DPP6: variants seen among roughly 807,000 people sequenced by gnomAD.
The protein encoded by DPP6 is A-type potassium channel modulatory protein DPP6.
A neutral mutation model predicts 122.6 loss-of-function variants in DPP6; 69 were observed. The observed-to-expected ratio is 0.56, with a 90% CI of 0.46 to 0.69. The LOEUF is 0.69. Ranked by LOEUF, DPP6 falls within the 30% of genes least tolerant of loss-of-function variation. The pLI is 0.00. For synonymous variants in DPP6, 418 were observed against 433.1 expected, an observed-to-expected ratio of 0.97 and a Z score of 0.43; for missense variants, 928 against 1,116.9, an observed-to-expected ratio of 0.83 and a Z score of 2.41.
intron 4 of DPP6, among the ~76,000 whole-genome samples, chr7:154,557,231 G>C (rs949090404): frequency 6.6e-6 from 1 of 151,054 alleles, no homozygotes; most frequent in African/African-American, 2.4e-5. Context: ...ATGGAGACTG[G>C]GGTGGTCAGA....
At position 154,042,576 on chromosome 7, in the gene DPP6, A is replaced by T. The variant is rs372128682; in HGVS notation, c.51+154842A>T. Among the ~76,000 whole-genome samples the T allele has an allele frequency of 2.6e-5, 4 of 152,326 alleles. No homozygotes were observed. The East Asian group carries it at 5.8e-4, about 22-fold the overall frequency. ...GATAGCACTGTAGAACTCTTCCGTC[A>T]TGCCAAGAGAAGTTAGATATGACCA... On this transcript the variant is annotated intron_variant, in intron 1 of 25. Transcript: ENST00000404039.
chr7:153,784,534 A>T, the DPP6 span, among the ~76,000 whole-genome samples: 1 of 152,350 alleles, frequency 6.6e-6, no homozygotes, highest in South Asian at 2.1e-4. Context: ...TAAGTTTTGG[A>T]TGACATAGTG....
chr7:154,060,301 C>G (rs1488912128), intron 1 of DPP6, among the ~76,000 whole-genome samples: 1 of 133,344 alleles, frequency 7.5e-6, no homozygotes, highest in African/African-American at 2.8e-5. Context: ...CCTCTTCCCC[C>G]CCTGGCTCTT....
At chr7:154,599,272 A>G (rs1408435460) in intron 5 of DPP6, among the ~76,000 whole-genome samples, 1 of 152,180 alleles carries the variant, frequency 6.6e-6, no homozygotes, top group Middle Eastern at 3.2e-3. Context: ...GGCCCCGCAT[A>G]GGTCTAAGGA....
At chr7:154,273,996 C>G (rs1339946584) in intron 1 of DPP6, among the ~76,000 whole-genome samples, 1 of 152,196 alleles carries the variant, frequency 6.6e-6, no homozygotes, top group Non-Finnish European at 1.5e-5. Flanking sequence ...TTTCATAAAG[C>G]CAGGAAGCCA....
rs569093670 is a variant in DPP6 at position 154,114,769 on chromosome 7, A to G, written c.243+61706A>G. 2.0e-5 allele frequency among the ~76,000 whole-genome samples: 3 copies of G among 152,262 alleles called. No homozygotes were observed. The East Asian group carries it at 5.8e-4, about 29-fold the overall frequency. Reference sequence around the variant, plus strand: ...GAGTTCCACTTTTGGAAGTGTTCCAACCTGCACCCAGGAGGCTTCTGCAGT... The same window carrying G: ...GAGTTCCACTTTTGGAAGTGTTCCAGCCTGCACCCAGGAGGCTTCTGCAGT... On this transcript the variant is annotated intron_variant, in intron 1 of 25. Coordinates refer to ENST00000377770, the MANE Select transcript of DPP6 (RefSeq NM_130797.4).
intron 1 of DPP6, among the ~76,000 whole-genome samples, chr7:153,926,006 C>T (rs1800881305): frequency 6.6e-6 from 1 of 152,164 alleles, no homozygotes; most frequent in Non-Finnish European, 1.5e-5. Flanking sequence ...TGTAGTTCCT[C>T]AGGGACACTC....
intron 1 of DPP6, among the ~76,000 whole-genome samples, chr7:154,332,356 G>T (rs1171118301): frequency 6.6e-6 from 1 of 152,230 alleles, no homozygotes; most frequent in Non-Finnish European, 1.5e-5. Context: ...ACAAGCGTGA[G>T]CCACCACACC....
intron 1 of DPP6, among the ~76,000 whole-genome samples, chr7:154,230,706 C>T (rs1800871811): frequency 6.6e-6 from 1 of 152,196 alleles, no homozygotes; most frequent in African/African-American, 2.4e-5. Context: ...CACCTCCTCA[C>T]CAAAAGACAA....
At chr7:154,617,083 G>C (rs559775892) in intron 5 of DPP6, among the ~76,000 whole-genome samples, 1 of 152,162 alleles carries the variant, frequency 6.6e-6, no homozygotes, top group South Asian at 2.1e-4. Context: ...AATGTGTTTG[G>C]TTTGGCTTTT....
At chr7:153,816,699 T>C in the DPP6 span, among the ~76,000 whole-genome samples, 863 of 151,644 alleles carry the variant, frequency 5.7e-3, 11 homozygotes, top group African/African-American at 0.014. Flanking sequence ...ATCACATTAA[T>C]AAACATATCC....
chr7:153,808,346 C>A, the DPP6 span, among the ~76,000 whole-genome samples: 13 of 144,674 alleles, frequency 9.0e-5, no homozygotes, highest in South Asian at 2.9e-3. Context: ...TGTGTTTGCA[C>A]GTGTGTGTGT....
intron 1 of DPP6, among the ~76,000 whole-genome samples, chr7:154,116,868 G>C (rs1261428354): frequency 6.6e-6 from 1 of 152,150 alleles, no homozygotes; most frequent in Non-Finnish European, 1.5e-5. Flanking sequence ...TCTAAGCTCA[G>C]CTTGGTCCCA....
chr7:153,886,038 A>G (rs1398825359), upstream of DPP6, among the ~76,000 whole-genome samples: 1 of 151,672 alleles, frequency 6.6e-6, no homozygotes, highest in African/African-American at 2.4e-5. Flanking sequence ...AATGTAAATA[A>G]TGGAAAAGCT....
chr7:153,910,234 C>CTTTTTTCTTTTTTTCT (rs750065238), intron 1 of DPP6, among the ~76,000 whole-genome samples: 117 of 137,754 alleles, frequency 8.5e-4, no homozygotes, highest in African/African-American at 3.1e-3. Context: ...TTCTTTCTTT[C>CTTTTTTCTTTTTTTCT]TTTTTTTTTT....
intron 1 of DPP6, among the ~76,000 whole-genome samples, chr7:154,419,911 A>G (rs1817320259): frequency 6.6e-6 from 1 of 152,154 alleles, no homozygotes; most frequent in Non-Finnish European, 1.5e-5. Flanking sequence ...CTGCAGCACC[A>G]TTCACGGCAG....
chr7:154,581,711 T>C (rs1340984950), intron 5 of DPP6, among the ~76,000 whole-genome samples: 2 of 152,250 alleles, frequency 1.3e-5, no homozygotes, highest in African/African-American at 4.8e-5. Flanking sequence ...AAAACAACAG[T>C]GTCCCCTGCA....
chr7:154,335,334 C>T (rs7796317), intron 1 of DPP6, among the ~76,000 whole-genome samples: 3,533 of 152,232 alleles, frequency 0.023, 140 homozygotes, highest in African/African-American at 0.081. Context: ...ACAAAACAAA[C>T]TCTCAATGCC....
intron 10 of DPP6, among the ~76,000 whole-genome samples, chr7:154,784,970 AT>A (rs2150410051): frequency 6.6e-6 from 1 of 152,248 alleles, no homozygotes; most frequent in African/African-American, 2.4e-5. Flanking sequence ...AAAATATCTT[AT>A]TCTTATGAAC....
Sources: allele counts gnomAD v4.1 joint callset (sites outside exome capture counted in the v4.1 genomes callset), GRCh38; gene constraint gnomAD v4.1.1; transcripts MANE v1.5; gene names NCBI Gene and HGNC (gene_info 2026-07-23, HGNC 2026-07-21).